Variants in FLRT3 observed in about 807,000 individuals in gnomAD.
FLRT3 encodes the protein fibronectin leucine rich transmembrane protein 3.
FLRT3 carries 17 observed loss-of-function variants against 42.6 expected under a neutral mutation model. The observed-to-expected ratio is 0.40, with a 90% CI of 0.27 to 0.60. The LOEUF is 0.60. Among genes scored for constraint, FLRT3 ranks in the 20% least tolerant of loss-of-function variants. FLRT3 has a pLI of 0.44. For missense variants in FLRT3, 635 were observed against 789.2 expected (o/e 0.80, Z 2.34); for synonymous variants, 279 against 286.4 (o/e 0.97, Z 0.26).
chr20:14,324,085 C>T lies in FLRT3; in HGVS notation c.*1472G>A, dbSNP rs75534466. The T allele has an allele frequency of 8.6e-3, 1,314 of 152,584 alleles. 6 individuals carry two copies. The highest frequency in any genetic ancestry group is 0.02 in the Middle Eastern group (6 of 294). 9.5% of individuals were successfully genotyped at this position (152,584 alleles called of 1,614,324 possible). On this transcript the variant is annotated 3_prime_UTR_variant, in exon 3 of 3. Coordinates refer to ENST00000341420, the MANE Select transcript of FLRT3 (RefSeq NM_198391.3). ...GACTAATGTGCTGGGCAATTTGCTA[C>T]TTAGTGATAGTAACACAATCCTGAA... is the stretch of plus-strand genomic sequence containing the variant.
At position 14,327,582 on chromosome 20, in the gene FLRT3, GACAGAAA is replaced by G. The variant is rs1417822848; in HGVS notation, c.-52-31_-52-25del. On this transcript the variant is annotated intron_variant, in intron 2 of 2. Transcript: ENST00000341420. ...CCCTAAAATGAAGTGAGTAAAAAAAGACAGAAAACAATAAGGCCAGCATACTGAATAT... is the reference window on the plus strand; with the variant it reads ...CCCTAAAATGAAGTGAGTAAAAAAAGACAATAAGGCCAGCATACTGAATAT... 9 of 1,461,852 alleles carry G rather than the reference GACAGAAA, an allele frequency of 6.2e-6. No homozygotes were observed. The East Asian group carries it at 1.9e-4, about 30-fold the overall frequency. 90.6% of individuals were successfully genotyped at this position (1,461,852 alleles called of 1,614,324 possible). A position where few individuals can be genotyped will look rare whatever the true frequency, so the allele number is the denominator to read the frequency against.
intron 1 of FLRT3, among the ~76,000 whole-genome samples, chr20:14,330,036 G>A (rs149651191): frequency 3.3e-4 from 50 of 151,790 alleles, no homozygotes; most frequent in African/African-American, 1.2e-3. Flanking sequence ...TTAGCATACT[G>A]AGTTTGAAAA....
At chr20:14,335,316 G>C (rs933859416) in intron 1 of FLRT3, among the ~76,000 whole-genome samples, 1 of 152,176 alleles carries the variant, frequency 6.6e-6, no homozygotes. Flanking sequence ...ATATAGTCTA[G>C]AGAAGAAACT....
At chr20:14,332,742 A>C (rs1487944930) in intron 1 of FLRT3, among the ~76,000 whole-genome samples, 1 of 152,106 alleles carries the variant, frequency 6.6e-6, no homozygotes, top group African/African-American at 2.4e-5. Context: ...TAAAACCTTG[A>C]GACTAAAGAA....
At position 14,327,255 on chromosome 20, in the gene FLRT3, T is replaced by G. The variant is rs1372021200; in HGVS notation, c.252A>C (p.Lys84Asn). 5 of 1,613,720 alleles carry G rather than the reference T, an allele frequency of 3.1e-6. No homozygotes were observed. Among genetic ancestry groups the G allele is most frequent in the Middle Eastern group, 1.6e-4 (1 of 6,074 alleles). The change falls in exon 3 of 3, where the codon AAA becomes AAC. Residue 84 changes from lysine (K) to asparagine (N), a missense_variant. By Grantham distance (94) the Lys-to-Asn change is moderately conservative. Transcript: ENST00000341420. ...GIPSDLKNLL[K>N]VERIYLYHNS... is the part of the protein sequence containing the mutation. Reference sequence around the variant, plus strand: ...TGTGGTATAGGTATATTCTTTCTACTTTCAGCAAGTTTTTCAAATCTGAAG... The same window carrying G: ...TGTGGTATAGGTATATTCTTTCTACGTTCAGCAAGTTTTTCAAATCTGAAG...
At position 14,327,473 on chromosome 20, in the gene FLRT3, C is replaced by T. The variant is rs1403600769; in HGVS notation, c.34G>A (p.Gly12Arg). The change falls in exon 3 of 3, where the codon GGG (glycine) becomes AGG (arginine). Residue 12 changes from glycine (G) to arginine (R), a missense_variant. By Grantham distance (125) the Gly-to-Arg change is moderately radical (BLOSUM62 -2). Transcript: ENST00000341420. Reference protein sequence around the residue: ...ISAAWSIFLIGTKIGLFLQVA... With the variant: ...ISAAWSIFLIRTKIGLFLQVA... ...TGAAGGAACAGCCCAATTTTAGTCC[C>T]GATGAGGAAGATGCTCCAGGCTGCG... 4.3e-6 allele frequency: 7 copies of T among 1,612,978 alleles called. No individual in the cohort carries two copies. The highest frequency in any genetic ancestry group is 2.2e-5 in the East Asian group (1 of 44,854).
Position 14,327,096 on chromosome 20 carries a change from G to T in FLRT3, c.411C>A (p.Asp137Glu). Residue 137 changes from aspartate to glutamate, a missense_variant, in exon 3 of 3, where the codon GAC becomes GAA. Asp to Glu is a conservative substitution (Grantham distance 45, BLOSUM62 2). Transcript: ENST00000341420. ...CTATGCTAACTGCAGAGACAGAGTT[G>T]TCATCTAAATGTAATTCTTCCAGAT... ...IPYLEELHLDDNSVSAVSIEE... is the reference protein window; with the variant it reads ...IPYLEELHLDENSVSAVSIEE... 14 of 1,613,784 alleles carry T rather than the reference G, an allele frequency of 8.7e-6. No individual in the cohort carries two copies. Among genetic ancestry groups the T allele is most frequent in the Non-Finnish European group, 1.2e-5 (14 of 1,179,788 alleles).
chr20:14,323,024 T>C lies in FLRT3; in HGVS notation c.*2533A>G, dbSNP rs2082679508. The C allele has an allele frequency of 6.6e-6, 1 of 152,154 alleles. No homozygotes were observed. The highest frequency in any genetic ancestry group is 2.4e-5 in the African/African-American group (1 of 41,442). 9.4% of individuals were successfully genotyped at this position (152,154 alleles called of 1,614,324 possible). A position where few individuals can be genotyped will look rare whatever the true frequency, so the allele number is the denominator to read the frequency against. On this transcript the variant is annotated 3_prime_UTR_variant, in exon 3 of 3. Transcript: ENST00000341420. ...TGTGTTTAATTCTCTCATTCAACAATAATCAACATAGAAGACTTGTCTTAA... is the reference window on the plus strand; with the variant it reads ...TGTGTTTAATTCTCTCATTCAACAACAATCAACATAGAAGACTTGTCTTAA...
In FLRT3 at chr20:14,327,396, G is replaced by A. The variant is rs199918008; in HGVS notation, c.111C>T (p.Cys37=). The change falls in exon 3 of 3, where the codon TGC becomes TGT. Residue 37 remains cysteine (C), a synonymous_variant. Coordinates refer to ENST00000341420, the MANE Select transcript of FLRT3 (RefSeq NM_198391.3). The part of the protein sequence containing the change: ...MAKSCPSVCR[C]DAGFIYCNDR... ...CATTACAGTAAATGAAACCCGCATCGCAGCGACACACAGATGGACAGGATT... is the reference window on the plus strand; with the variant it reads ...CATTACAGTAAATGAAACCCGCATCACAGCGACACACAGATGGACAGGATT... 4 of 1,613,626 alleles carry A rather than the reference G, an allele frequency of 2.5e-6. No homozygotes were observed. The highest frequency in any genetic ancestry group is 3.3e-5 in the Admixed American group (2 of 59,974).
In FLRT3 at chr20:14,326,667, A is replaced by G. The variant is rs752008590; in HGVS notation, c.840T>C (p.Asn280=). Residue 280 remains asparagine, a synonymous_variant, in exon 3 of 3, where the codon AAT becomes AAC. Coordinates refer to ENST00000341420, the MANE Select transcript of FLRT3 (RefSeq NM_198391.3). This position sits in a 1 kb window ranked among gnomAD's most constrained non-coding sequence, Gnocchi z 5.5. ...LRQLYRLDMS[N]NNLSNLPQGI... is the part of the protein sequence containing the mutation. ...CCTGAGGTAAATTACTTAGGTTATTATTGGACATATCCAGTCGATAGAGCT... is the reference window on the plus strand; with the variant it reads ...CCTGAGGTAAATTACTTAGGTTATTGTTGGACATATCCAGTCGATAGAGCT... 6.2e-7 allele frequency: 1 copy of G among 1,613,822 alleles called. No individual in the cohort carries two copies. Among genetic ancestry groups the G allele is most frequent in the South Asian group, 1.1e-5 (1 of 91,086 alleles).
chr20:14,331,082 A>T (rs1215793708), intron 1 of FLRT3, among the ~76,000 whole-genome samples: 11 of 152,100 alleles, frequency 7.2e-5, no homozygotes, highest in Admixed American at 2.0e-4. Context: ...TATTCCAGGG[A>T]TGATGGTGAG....
In FLRT3 at chr20:14,324,197, T is replaced by C. The variant is rs1185492677; in HGVS notation, c.*1360A>G. The C allele has an allele frequency of 6.6e-6, 1 of 152,446 alleles. No individual in the cohort carries two copies. The highest frequency in any genetic ancestry group is 1.5e-5 in the Non-Finnish European group (1 of 68,008). The allele number at this position is 152,446 out of a possible 1,614,324, so 9.4% of individuals were successfully genotyped here. A position where few individuals can be genotyped will look rare whatever the true frequency, so the allele number is the denominator to read the frequency against. ...TTCATATTTAAGGAGTATGAAAAAT[T>C]TGTGGAGTTTTAAAAGCTGAATACA... On this transcript the variant is annotated 3_prime_UTR_variant, in exon 3 of 3. Transcript: ENST00000341420.
intron 1 of FLRT3, among the ~76,000 whole-genome samples, chr20:14,330,316 GT>G (rs1330672709): frequency 1.3e-5 from 2 of 151,994 alleles, no homozygotes; most frequent in Admixed American, 6.6e-5. Context: ...ATTCGAATTG[GT>G]TATGCAGGGT....
chr20:14,336,466 A>T (rs959914993), intron 1 of FLRT3, among the ~76,000 whole-genome samples: 9 of 152,194 alleles, frequency 5.9e-5, no homozygotes, highest in African/African-American at 2.2e-4. Context: ...AGTGAACAAA[A>T]TTTTTTGAGA....
chr20:14,326,965 C>T lies in FLRT3; in HGVS notation c.542G>A (p.Arg181His), dbSNP rs750841856. 10 of 1,613,548 alleles carry T rather than the reference C, an allele frequency of 6.2e-6. No homozygotes were observed. The African/African-American group carries it at 8.0e-5, about 13-fold the overall frequency. ...WGLPRTIEEL[R>H]LDDNRISTIS... ...AGTGGATATGCGATTATCATCCAAG[C>T]GTAGTTCTTCTATAGTCCTGGGCAA... is the stretch of plus-strand genomic sequence containing the variant. Residue 181 changes from arginine to histidine, a missense_variant, in exon 3 of 3, where the codon CGC (arginine) becomes CAC (histidine). Transcript: ENST00000341420. The surrounding 1 kb of genome is among the most constrained non-coding windows in gnomAD (Gnocchi z 5.5).
At chr20:14,333,493 A>G (rs1256702144) in intron 1 of FLRT3, among the ~76,000 whole-genome samples, 1 of 152,172 alleles carries the variant, frequency 6.6e-6, no homozygotes, top group Non-Finnish European at 1.5e-5. Context: ...ATATTAATTT[A>G]GAGAGTGGTG....
chr20:14,337,516 A>G lies in FLRT3; in HGVS notation c.-359T>C. Reference sequence around the variant, plus strand: ...GTCTCCCAAGCTCTGCGTCCAGTCCACACAAAGCCCACGGCAGCTGCAGGC... The same window carrying G: ...GTCTCCCAAGCTCTGCGTCCAGTCCGCACAAAGCCCACGGCAGCTGCAGGC... On this transcript the variant is annotated 5_prime_UTR_variant, in exon 1 of 3. Coordinates refer to ENST00000341420, the MANE Select transcript of FLRT3 (RefSeq NM_198391.3). 2.5e-6 allele frequency: 1 copy of G among 398,802 alleles called. No homozygotes were observed. The allele number at this position is 398,802 out of a possible 1,614,324, so 24.7% of individuals were successfully genotyped here.
chr20:14,326,862 A>G lies in FLRT3; in HGVS notation c.645T>C (p.Gly215=). Residue 215 remains glycine, a synonymous_variant, in exon 3 of 3, where the codon GGT becomes GGC. Transcript: ENST00000341420. This position sits in a 1 kb window ranked among gnomAD's most constrained non-coding sequence, Gnocchi z 5.5. ...GGTTGAAGAAAACTTTGTCACCTAA[A>G]CCATGATTGTTCAACAGGTTTCCAT... ...VLDGNLLNNH[G]LGDKVFFNLV... 6.2e-7 allele frequency: 1 copy of G among 1,613,752 alleles called. No homozygotes were observed. The highest frequency in any genetic ancestry group is 8.5e-7 in the Non-Finnish European group (1 of 1,179,788).
intron 1 of FLRT3, among the ~76,000 whole-genome samples, chr20:14,329,916 A>T (rs1000189399): frequency 1.1e-4 from 17 of 152,014 alleles, no homozygotes; most frequent in African/African-American, 3.9e-4. Context: ...GTATCTAAGG[A>T]CTACTTAGTG....
Sources: gnomAD v4.1 joint callset for allele counts (sites outside exome capture counted in the v4.1 genomes callset) on GRCh38, gnomAD v4.1.1 for gene constraint, Gnocchi (gnomAD v3.1) non-coding constraint, MANE v1.5 for transcripts, NCBI Gene and HGNC (gene_info 2026-07-23, HGNC 2026-07-21) for gene names.